PARP16: variants seen among roughly 807,000 people sequenced by gnomAD.
PARP16 encodes the protein protein mono-ADP-ribosyltransferase PARP16.
In PARP16, 31 loss-of-function variants were observed where a neutral mutation model predicts 35.0. The ratio of observed to expected loss-of-function variants is 0.88; its 90% CI spans 0.66 to 1.19. PARP16 has a LOEUF of 1.19. Among genes scored for constraint, PARP16 ranks in the 50% most tolerant of loss-of-function variants. The probability of loss-of-function intolerance (pLI) is 0.00; values close to 1 mark genes in which losing one functional copy is unlikely to be tolerated. For synonymous variants in PARP16, 162 were observed against 169.5 expected, an observed-to-expected ratio of 0.96 and a Z score of 0.34; for missense variants, 424 against 411.2, an observed-to-expected ratio of 1.03 and a Z score of -0.27.
At chr15:65,257,476 C>T (rs1466156460), downstream of PARP16, among the ~76,000 whole-genome samples, 2 of 149,158 alleles carry the variant, frequency 1.3e-5, no homozygotes, top group Non-Finnish European at 3.0e-5. Context: ...AATAAAAATA[C>T]AAAAATGAGC....
intron 5 of PARP16, among the ~76,000 whole-genome samples, 175 bp downstream of exon 5, chr15:65,260,710 C>A (rs562474079): frequency 6.6e-6 from 1 of 152,196 alleles, no homozygotes; most frequent in Non-Finnish European, 1.5e-5. Context: ...CTCTTAGGGT[C>A]GGGACCACAT....
intron 1 of PARP16, 80 bp downstream of exon 1, chr15:65,286,173 A>G: frequency 1.7e-6 from 2 of 1,159,834 alleles, no homozygotes; most frequent in Non-Finnish European, 2.3e-6. Context: ...ACTAATGCGG[A>G]TGGAACTGCC....
intron 2 of PARP16, among the ~76,000 whole-genome samples, chr15:65,250,106 C>CTTTTTTTT (rs1567013240): frequency 1.9e-5 from 2 of 104,198 alleles, no homozygotes; most frequent in Admixed American, 1.1e-4. Flanking sequence ...CACCTGCTTG[C>CTTTTTTTT]CTTTTTTTTT....
At chr15:65,245,400 C>G (rs2089183831) in intron 3 of PARP16, among the ~76,000 whole-genome samples, 1 of 152,234 alleles carries the variant, frequency 6.6e-6, no homozygotes, top group African/African-American at 2.4e-5. Context: ...CTCCTTACAA[C>G]TGAAGTTGTG....
rs1234817298 is a variant in PARP16, at chr15:65,286,355, G to A, written c.72C>T (p.Cys24=). 4 of 1,589,706 alleles carry A rather than the reference G, an allele frequency of 2.5e-6. No homozygotes were observed. The highest frequency in any genetic ancestry group is 2.7e-5 in the African/African-American group (2 of 73,104). ...GRDMLAADLR[C]SLFASALQSY... ...TCTGCAGGGCCGAGGCGAAGAGGCT[G>A]CACCGGAGGTCGGCGGCCAGCATGT... is the stretch of plus-strand genomic sequence containing the variant. The change falls in exon 1 of 6, where the codon TGC becomes TGT. Residue 24 remains cysteine (C), a synonymous_variant. Coordinates refer to ENST00000649807, the MANE Select transcript of PARP16 (RefSeq NM_001316943.2).
At chr15:65,252,585 T>C (rs1275206564) in intron 2 of PARP16, among the ~76,000 whole-genome samples, 1 of 152,234 alleles carries the variant, frequency 6.6e-6, no homozygotes, top group Non-Finnish European at 1.5e-5. Flanking sequence ...CACCACATGC[T>C]GTTTTCACTG....
At chr15:65,257,428 C>A (rs575334835), downstream of PARP16, among the ~76,000 whole-genome samples, 1 of 147,294 alleles carries the variant, frequency 6.8e-6, no homozygotes, top group South Asian at 2.1e-4. Flanking sequence ...AGCGAGACTC[C>A]AGCTCAAAAA....
intron 1 of PARP16, among the ~76,000 whole-genome samples, chr15:65,280,969 G>C (rs995467215): frequency 3.3e-5 from 5 of 152,144 alleles, no homozygotes; most frequent in African/African-American, 9.7e-5. Flanking sequence ...TGACTGGATA[G>C]GTCTGAGGCA....
intron 3 of PARP16, among the ~76,000 whole-genome samples, chr15:65,246,056 T>C (rs1321417549): frequency 6.6e-6 from 1 of 152,060 alleles, no homozygotes; most frequent in East Asian, 1.9e-4. Flanking sequence ...GTGACCCATG[T>C]TGGGGATGGC....
chr15:65,244,252 T>C (rs187043943), intron 3 of PARP16, among the ~76,000 whole-genome samples: 2 of 152,168 alleles, frequency 1.3e-5, no homozygotes, highest in Non-Finnish European at 2.9e-5. Context: ...ATATAATATA[T>C]AATATACAGA....
intron 3 of PARP16, among the ~76,000 whole-genome samples, chr15:65,243,344 AG>A (rs1281341931): frequency 6.6e-6 from 1 of 151,866 alleles, no homozygotes; most frequent in Non-Finnish European, 1.5e-5. Flanking sequence ...CCGCCTCCCC[AG>A]GCTCAAGTGG....
intron 3 of PARP16, among the ~76,000 whole-genome samples, chr15:65,235,167 C>T (rs929782180): frequency 2.0e-5 from 3 of 151,840 alleles, no homozygotes; most frequent in Admixed American, 6.6e-5. Context: ...ATTAGCCGGG[C>T]GTAGTGGTGG....
intron 5 of PARP16, among the ~76,000 whole-genome samples, chr15:65,259,780 T>C (rs540272379): frequency 1.2e-4 from 19 of 152,342 alleles, no homozygotes; most frequent in African/African-American, 4.6e-4. Context: ...AATGAGCTCA[T>C]CCTGATCTTC....
intron 2 of PARP16, among the ~76,000 whole-genome samples, chr15:65,267,901 C>G (rs2089959981): frequency 6.6e-6 from 1 of 151,716 alleles, no homozygotes; most frequent in Admixed American, 6.6e-5. Context: ...CCATCTTGGC[C>G]AGGCTGGTCT....
chr15:65,246,316 C>T (rs1195942427), intron 3 of PARP16, among the ~76,000 whole-genome samples: 1 of 152,224 alleles, frequency 6.6e-6, no homozygotes, highest in Non-Finnish European at 1.5e-5. Context: ...TATCTCCGGA[C>T]CGCCCCCAAC....
chr15:65,252,016 G>A (rs2089376462), intron 2 of PARP16, among the ~76,000 whole-genome samples: 6 of 151,964 alleles, frequency 3.9e-5, no homozygotes, highest in Admixed American at 3.9e-4. Context: ...CACCCGCCTC[G>A]GCCTCCCAAA....
downstream of PARP16, among the ~76,000 whole-genome samples, chr15:65,253,127 C>T (rs1225717824): frequency 6.8e-6 from 1 of 146,890 alleles, no homozygotes; most frequent in Non-Finnish European, 1.5e-5. Flanking sequence ...GAGTGAAACT[C>T]CGTCTCAAAA....
rs141745146 is a variant in PARP16 at position 65,283,409 on chromosome 15, G to A, written c.174+2844C>T. Among the ~76,000 whole-genome samples the A allele has an allele frequency of 1.1e-3, 166 of 152,156 alleles. 2 individuals carry two copies. Among genetic ancestry groups the A allele is most frequent in the East Asian group, 9.1e-3 (47 of 5,186 alleles). On this transcript the variant is annotated intron_variant, in intron 1 of 5. Coordinates refer to ENST00000649807, the MANE Select transcript of PARP16 (RefSeq NM_001316943.2). ...ACCTCTATACCCTCCCCTGCCCAAG[G>A]ATAAAAATCTCCACAACTTAGCAGG...
At chr15:65,253,424 G>A (rs1044576594), downstream of PARP16, among the ~76,000 whole-genome samples, 4 of 150,076 alleles carry the variant, frequency 2.7e-5, no homozygotes, top group African/African-American at 7.3e-5. Flanking sequence ...TCCGCCTCCC[G>A]GGTTCACGCC....
Sources: gnomAD v4.1 joint callset for allele counts (sites outside exome capture counted in the v4.1 genomes callset) on GRCh38, gnomAD v4.1.1 for gene constraint, MANE v1.5 for transcripts, NCBI Gene and HGNC (gene_info 2026-07-23, HGNC 2026-07-21) for gene names.